TBC1D2B: variants seen among roughly 807,000 people sequenced by gnomAD.
The protein encoded by TBC1D2B is TBC1 domain family member 2B, also known as TBC1 domain family, member 2B.
Under a neutral mutation model 100.8 loss-of-function variants are expected in TBC1D2B, and 64 were observed. That is an observed-to-expected ratio of 0.64 (90% CI 0.52 to 0.78). TBC1D2B has a LOEUF of 0.78. Among genes scored for constraint, TBC1D2B ranks in the 30% least tolerant of loss-of-function variants. The probability of loss-of-function intolerance (pLI) is 0.00; values close to 1 mark genes in which losing one functional copy is unlikely to be tolerated. For missense variants in TBC1D2B, 1,052 were observed against 1,218.4 expected, an observed-to-expected ratio of 0.86 and a Z score of 2.03; for synonymous variants, 480 against 479.7, an observed-to-expected ratio of 1.00 and a Z score of -0.01.
intron 1 of TBC1D2B, among the ~76,000 whole-genome samples, chr15:78,069,951 T>A (rs576433659): frequency 6.6e-6 from 1 of 152,354 alleles, no homozygotes; most frequent in African/African-American, 2.4e-5. Context: ...AGCTACCCTG[T>A]CTACGGTATT....
intron 10 of TBC1D2B, among the ~76,000 whole-genome samples, chr15:78,007,220 C>A (rs987776099): frequency 6.6e-6 from 1 of 152,178 alleles, no homozygotes; most frequent in Non-Finnish European, 1.5e-5. Context: ...TGGCAGCGTT[C>A]GAAGGCATCT....
At chr15:78,032,465 C>T (rs1294587670) in intron 3 of TBC1D2B, among the ~76,000 whole-genome samples, 4 of 150,958 alleles carry the variant, frequency 2.6e-5, no homozygotes, top group African/African-American at 9.7e-5. Context: ...TTCACAACAT[C>T]TGGTATTCAA....
At chr15:78,015,268 G>T (rs755586563) in intron 8 of TBC1D2B, among the ~76,000 whole-genome samples, 8 of 152,114 alleles carry the variant, frequency 5.3e-5, no homozygotes, top group African/African-American at 1.9e-4. Context: ...AAACTGTGGG[G>T]AGTGAGGAGG....
rs2072207817 is a variant in TBC1D2B at position 78,011,001 on chromosome 15, C to T, written c.2270+1822G>A. On this transcript the variant is annotated intron_variant, in intron 9 of 12. Transcript: ENST00000300584. Reference sequence around the variant, plus strand: ...GGCATACTCAAGTCCTCACCAGGACCCTGAGTTTCACGGGTTTCCAGCTTC... The same window carrying T: ...GGCATACTCAAGTCCTCACCAGGACTCTGAGTTTCACGGGTTTCCAGCTTC... Among the ~76,000 whole-genome samples the T allele has an allele frequency of 1.3e-5, 2 of 152,216 alleles. 1 individual carries two copies. Among genetic ancestry groups the T allele is most frequent in the Admixed American group, 1.3e-4 (2 of 15,290 alleles).
At chr15:78,056,138 A>G (rs1268840571) in intron 1 of TBC1D2B, among the ~76,000 whole-genome samples, 1 of 152,258 alleles carries the variant, frequency 6.6e-6, no homozygotes, top group Non-Finnish European at 1.5e-5. Context: ...CTGAATACAT[A>G]TATGAAGGAA....
intron 1 of TBC1D2B, among the ~76,000 whole-genome samples, chr15:78,068,383 C>CACA (rs2073693270): frequency 1.8e-3 from 253 of 143,110 alleles, no homozygotes; most frequent in African/African-American, 6.0e-3. Flanking sequence ...CACACCACAC[C>CACA]CACACACACA....
intron 6 of TBC1D2B, among the ~76,000 whole-genome samples, chr15:78,019,351 T>C (rs564714497): frequency 6.2e-4 from 94 of 152,288 alleles, no homozygotes; most frequent in African/African-American, 2.2e-3. Context: ...AATTGAGCCA[T>C]AGAAAGCTGC....
chr15:78,003,899 C>T (rs1009324153), intron 10 of TBC1D2B, among the ~76,000 whole-genome samples: 5 of 152,166 alleles, frequency 3.3e-5, no homozygotes, highest in Admixed American at 2.6e-4. Context: ...GGGGATTCTG[C>T]TTCCAAAAAG....
rs143942342 is a variant in TBC1D2B, at chr15:78,062,804, T to C, written c.361-8617A>G. On this transcript the variant is annotated intron_variant, in intron 1 of 12. Coordinates refer to ENST00000300584, the MANE Select transcript of TBC1D2B (RefSeq NM_144572.2). ...TAAACAATTACTGTGTGCCAGACAC[T>C]ATGCTTTCGCTTTATACACACTGTC... Among the ~76,000 whole-genome samples, 18 of 152,336 alleles carry C rather than the reference T, an allele frequency of 1.2e-4. No homozygotes were observed. The East Asian group carries it at 2.9e-3, about 24-fold the overall frequency.
intron 1 of TBC1D2B, among the ~76,000 whole-genome samples, chr15:78,070,041 T>C (rs2073719683): frequency 6.6e-6 from 1 of 152,214 alleles, no homozygotes; most frequent in Non-Finnish European, 1.5e-5. Flanking sequence ...TGTCAAACCC[T>C]GCTTAAAACT....
At chr15:78,015,873 T>C (rs1596310685) in intron 8 of TBC1D2B, among the ~76,000 whole-genome samples, 1 of 152,168 alleles carries the variant, frequency 6.6e-6, no homozygotes. Context: ...TGCAGGCTGG[T>C]GCTGTAAGCT....
At chr15:78,044,575 T>G (rs1596322756) in intron 3 of TBC1D2B, among the ~76,000 whole-genome samples, 1 of 152,254 alleles carries the variant, frequency 6.6e-6, no homozygotes, top group East Asian at 1.9e-4. Flanking sequence ...GCCCCAGCTC[T>G]GCAGCCTGGA....
At chr15:78,058,842 G>C (rs920289543) in intron 1 of TBC1D2B, among the ~76,000 whole-genome samples, 1 of 152,192 alleles carries the variant, frequency 6.6e-6, no homozygotes, top group African/African-American at 2.4e-5. Context: ...CAGAGAATTG[G>C]GAGCCGATGC....
Position 77,997,773 on chromosome 15 carries a change from C to T in TBC1D2B, c.*387G>A, listed in dbSNP as rs2071801179. The T allele has an allele frequency of 6.2e-6, 1 of 161,950 alleles. No individual in the cohort carries two copies. The highest frequency in any genetic ancestry group is 2.4e-5 in the African/African-American group (1 of 41,838). 10.0% of individuals were successfully genotyped at this position (161,950 alleles called of 1,614,324 possible). ...AGCACTGCCATTCAAAACCACACAC[C>T]ACTGCCCACTATGTACAGGAGAGAG... On this transcript the variant is annotated 3_prime_UTR_variant, in exon 13 of 13. Transcript: ENST00000300584.
Position 78,025,471 on chromosome 15 carries a change from C to G in TBC1D2B, c.874G>C (p.Asp292His). ...KGVTGSGFPFDFGRNPYKGKR... is the reference protein window; with the variant it reads ...KGVTGSGFPFHFGRNPYKGKR... ...CCTTTGTAGGGGTTACGTCCAAAAT[C>G]AAAGGGGAATCCTGAGCCAGTTACT... The change falls in exon 5 of 13, where the codon GAT (aspartate) becomes CAT (histidine). Residue 292 changes from aspartate to histidine, a missense_variant. Asp to His is a moderately conservative substitution (Grantham distance 81). Around this residue, in one of 4 missense-constraint regions of TBC1D2B, gnomAD observed 627 missense variants for 646.1 expected, o/e 0.97. Coordinates refer to ENST00000300584, the MANE Select transcript of TBC1D2B (RefSeq NM_144572.2). The G allele has an allele frequency of 1.2e-6, 2 of 1,613,358 alleles. No individual in the cohort carries two copies. The highest frequency in any genetic ancestry group is 1.7e-6 in the Non-Finnish European group (2 of 1,179,670).
intron 3 of TBC1D2B, among the ~76,000 whole-genome samples, chr15:78,043,372 G>A (rs1331508345): frequency 1.3e-5 from 2 of 152,070 alleles, no homozygotes; most frequent in Admixed American, 6.5e-5. Flanking sequence ...CTCCCACAAC[G>A]CACTGCCACT....
At chr15:78,054,555 G>A (rs1441275001) in intron 1 of TBC1D2B, among the ~76,000 whole-genome samples, 5 of 152,134 alleles carry the variant, frequency 3.3e-5, no homozygotes, top group Non-Finnish European at 5.9e-5. Flanking sequence ...TATGAAAGAC[G>A]GCCTTGCCAA....
At chr15:78,069,685 A>G (rs1407455667) in intron 1 of TBC1D2B, among the ~76,000 whole-genome samples, 1 of 152,220 alleles carries the variant, frequency 6.6e-6, no homozygotes, top group Non-Finnish European at 1.5e-5. Context: ...GTCCTTATGA[A>G]AGAGGCCAGA....
chr15:78,076,891 G>A (rs1290542729), intron 1 of TBC1D2B, among the ~76,000 whole-genome samples: 4 of 152,352 alleles, frequency 2.6e-5, no homozygotes, highest in African/African-American at 9.6e-5. Flanking sequence ...AGCCCAGAGC[G>A]GTTCACTGAG....
Sources: gnomAD v4.1 joint callset for allele counts (sites outside exome capture counted in the v4.1 genomes callset) on GRCh38, gnomAD v4.1.1 for gene constraint, gnomAD v4.1.1 regional missense constraint, MANE v1.5 for transcripts, NCBI Gene and HGNC (gene_info 2026-07-23, HGNC 2026-07-21) for gene names.